Variants in GRIN2A observed in about 807,000 individuals in gnomAD.
GRIN2A encodes glutamate ionotropic receptor NMDA type subunit 2A.
In GRIN2A, 22 loss-of-function variants were observed where a neutral mutation model predicts 113.4. That is an observed-to-expected ratio of 0.19 (90% CI 0.14 to 0.28). GRIN2A has a LOEUF of 0.28. GRIN2A is among the 10% of genes least tolerant of loss of function. The pLI, the probability that GRIN2A is intolerant of heterozygous loss-of-function variation, is 1.00. For synonymous variants in GRIN2A, 827 were observed against 738.4 expected (o/e 1.12, Z -1.94); for missense variants, 1,502 against 1,887.0 (o/e 0.80, Z 3.78).
intron 4 of GRIN2A, among the ~76,000 whole-genome samples, chr16:9,851,208 G>A (rs2042877248): frequency 6.6e-6 from 1 of 152,176 alleles, no homozygotes; most frequent in South Asian, 2.1e-4. Context: ...CATCATATGG[G>A]CTGGAAAATT....
intron 2 of GRIN2A, among the ~76,000 whole-genome samples, chr16:9,976,098 C>G (rs897571819): frequency 2.6e-5 from 4 of 152,182 alleles, no homozygotes; most frequent in African/African-American, 7.2e-5. Flanking sequence ...TATTATTAGT[C>G]TATAAACCAA....
rs185807098 is a variant in GRIN2A, at chr16:9,914,206, G to A, written c.1008-23106C>T. 2.4e-3 allele frequency among the ~76,000 whole-genome samples: 359 copies of A among 151,924 alleles called. 1 individual carries two copies. Among genetic ancestry groups the A allele is most frequent in the Admixed American group, 4.1e-3 (62 of 15,260 alleles). ...ATGCCAAGTCATCATTTAAAAAAAC[G>A]GCAAATCTTAGTATTTCTTTCCTGG... is the stretch of plus-strand genomic sequence containing the variant. On this transcript the variant is annotated intron_variant, in intron 3 of 12. Transcript: ENST00000330684.
intron 2 of GRIN2A, among the ~76,000 whole-genome samples, chr16:10,111,031 T>C (rs2048603239): frequency 1.3e-5 from 2 of 152,200 alleles, no homozygotes; most frequent in Admixed American, 6.5e-5. Context: ...GCTCGACCAA[T>C]TAAGTGGAGC....
intron 2 of GRIN2A, among the ~76,000 whole-genome samples, chr16:10,127,395 C>T (rs897641903): frequency 1.3e-5 from 2 of 152,106 alleles, no homozygotes; most frequent in African/African-American, 4.8e-5. Context: ...ATGTGATATT[C>T]CTCCACCTAA....
chr16:10,143,141 T>C (rs549237946), intron 2 of GRIN2A, among the ~76,000 whole-genome samples: 208 of 152,352 alleles, frequency 1.4e-3, no homozygotes, highest in South Asian at 2.9e-3. Context: ...ATTTCATGGT[T>C]GGTATGCATG....
intron 11 of GRIN2A, among the ~76,000 whole-genome samples, chr16:9,777,774 C>T (rs1042025486): frequency 1.2e-4 from 19 of 152,158 alleles, no homozygotes; most frequent in Admixed American, 5.9e-4. Context: ...ATAAAATCTC[C>T]CAACTCTGGC....
chr16:10,173,973 G>A (rs1296034194), intron 2 of GRIN2A, among the ~76,000 whole-genome samples: 2 of 152,098 alleles, frequency 1.3e-5, no homozygotes, highest in South Asian at 4.1e-4. Flanking sequence ...ACATAGTATT[G>A]CTTGCAAATA....
intron 2 of GRIN2A, among the ~76,000 whole-genome samples, chr16:10,098,332 G>A (rs2048333460): frequency 6.6e-6 from 1 of 152,162 alleles, no homozygotes; most frequent in South Asian, 2.1e-4. Flanking sequence ...TGGTGAAAAG[G>A]AAACACTTCC....
intron 2 of GRIN2A, among the ~76,000 whole-genome samples, chr16:9,962,878 C>T (rs575407280): frequency 6.6e-6 from 1 of 152,158 alleles, no homozygotes; most frequent in South Asian, 2.1e-4. Flanking sequence ...ACCCAAATGT[C>T]CAACAATGAT....
rs565876495 is a variant in GRIN2A, at chr16:9,807,055, A to G, written c.2169-8591T>C. Reference sequence around the variant, plus strand: ...TCTCTCTTGCCTGCCACCATGTAAGACATGCCTTTCACCTTCCACCATGAT... The same window carrying G: ...TCTCTCTTGCCTGCCACCATGTAAGGCATGCCTTTCACCTTCCACCATGAT... On this transcript the variant is annotated intron_variant, in intron 10 of 12. Coordinates refer to ENST00000330684, the MANE Select transcript of GRIN2A (RefSeq NM_001134407.3). 1.3e-3 allele frequency among the ~76,000 whole-genome samples: 201 copies of G among 151,118 alleles called. 1 individual carries two copies. The highest frequency in any genetic ancestry group is 4.7e-3 in the African/African-American group (192 of 41,048).
At chr16:9,975,420 T>G (rs2045756399) in intron 2 of GRIN2A, among the ~76,000 whole-genome samples, 1 of 152,108 alleles carries the variant, frequency 6.6e-6, no homozygotes, top group African/African-American at 2.4e-5. Flanking sequence ...TCAGAGAGAC[T>G]CAAAGTGTCA....
intron 3 of GRIN2A, among the ~76,000 whole-genome samples, chr16:9,899,466 A>AAAAAG (rs2043874305): frequency 7.0e-6 from 1 of 142,414 alleles, no homozygotes; most frequent in African/African-American, 2.7e-5. Flanking sequence ...AAAAAAAAAA[A>AAAAAG]GTCAAGACAG....
Position 9,897,036 on chromosome 16 carries a change from A to G in GRIN2A, c.1008-5936T>C, listed in dbSNP as rs530353499. Among the ~76,000 whole-genome samples, 12 of 152,296 alleles carry G rather than the reference A, an allele frequency of 7.9e-5. No homozygotes were observed. The East Asian group carries it at 2.1e-3, about 27-fold the overall frequency. ...TTCTAAGCCTCAAATTACAGCTTCA[A>G]TATCTCCATCAGGAGCAATAAGTAC... On this transcript the variant is annotated intron_variant, in intron 3 of 12. Transcript: ENST00000330684.
At chr16:9,992,269 G>C (rs1596397105) in intron 2 of GRIN2A, among the ~76,000 whole-genome samples, 1 of 152,132 alleles carries the variant, frequency 6.6e-6, no homozygotes, top group South Asian at 2.1e-4. Flanking sequence ...AGCCTTCTCA[G>C]AGGATAAGCT....
chr16:10,067,687 T>C (rs937641109), intron 2 of GRIN2A, among the ~76,000 whole-genome samples: 9 of 151,988 alleles, frequency 5.9e-5, no homozygotes, highest in African/African-American at 2.4e-5. Flanking sequence ...GATGGGAGGC[T>C]GAGATTACCC....
chr16:10,081,139 G>A (rs146560050), intron 2 of GRIN2A, among the ~76,000 whole-genome samples: 11 of 152,244 alleles, frequency 7.2e-5, no homozygotes, highest in Middle Eastern at 3.4e-3. Flanking sequence ...GGCAATTTCC[G>A]AGGCTCTTAC....
At chr16:9,970,664 T>C (rs1055071716) in intron 2 of GRIN2A, 3 of 392,102 alleles carry the variant, frequency 7.7e-6, no homozygotes, top group African/African-American at 4.3e-5. Flanking sequence ...TCAAGAAATA[T>C]GTATTAAGGA....
In GRIN2A at chr16:10,165,511, C is replaced by CACAT. The variant is rs2049895840; in HGVS notation, c.414+14486_414+14487insATGT. Among the ~76,000 whole-genome samples, 3 of 138,764 alleles carry CACAT rather than the reference C, an allele frequency of 2.2e-5. No homozygotes were observed. In the Admixed American group the frequency reaches 2.2e-4, roughly 10 times the overall value. 91.0% of individuals were successfully genotyped at this position (138,764 alleles called of 152,430 possible). A position where few individuals can be genotyped will look rare whatever the true frequency, so the allele number is the denominator to read the frequency against. Reference sequence around the variant, plus strand: ...TTCTTATATTTTTGATATATATATACATATATATATATATATGTATATATA... The same window carrying CACAT: ...TTCTTATATTTTTGATATATATATACACATATATATATATATATATGTATATATA... On this transcript the variant is annotated intron_variant, in intron 2 of 12. Transcript: ENST00000330684.
chr16:9,838,228 C>T (rs936238152), intron 7 of GRIN2A, among the ~76,000 whole-genome samples: 1 of 152,074 alleles, frequency 6.6e-6, no homozygotes, highest in Non-Finnish European at 1.5e-5. Flanking sequence ...TAACTGTTTT[C>T]CCAGGGGGGA....
Sources: gnomAD v4.1 joint callset for allele counts (sites outside exome capture counted in the v4.1 genomes callset) on GRCh38, gnomAD v4.1.1 for gene constraint, MANE v1.5 for transcripts, NCBI Gene and HGNC (gene_info 2026-07-23, HGNC 2026-07-21) for gene names.